Variants in PHACTR3 observed in about 807,000 individuals in gnomAD.
The protein encoded by PHACTR3 is phosphatase and actin regulator 3.
PHACTR3 carries 16 observed loss-of-function variants against 66.8 expected under a neutral mutation model. The ratio of observed to expected loss-of-function variants is 0.24; its 90% confidence interval spans 0.16 to 0.36. PHACTR3 has a LOEUF of 0.36. Ranked by LOEUF, PHACTR3 falls within the 10% of genes least tolerant of loss-of-function variation. The probability of loss-of-function intolerance (pLI) is 1.00; values close to 1 mark genes in which losing one functional copy is unlikely to be tolerated. For synonymous variants in PHACTR3, 323 were observed against 292.1 expected, an observed-to-expected ratio of 1.11 and a Z score of -1.08; for missense variants, 647 against 719.9, an observed-to-expected ratio of 0.90 and a Z score of 1.16.
intron 1 of PHACTR3, among the ~76,000 whole-genome samples, chr20:59,581,577 C>T (rs1568914075): frequency 1.3e-5 from 2 of 152,182 alleles, no homozygotes; most frequent in South Asian, 2.1e-4. Context: ...AAGGAGTGAT[C>T]CCCAATCTTT....
In PHACTR3 at chr20:59,845,171, C is replaced by A; in HGVS notation, c.1588-18C>A. The A allele has an allele frequency of 6.8e-7, 1 of 1,477,964 alleles. No homozygotes were observed. The highest frequency in any genetic ancestry group is 9.4e-7 in the Non-Finnish European group (1 of 1,060,460). The allele number at this position is 1,477,964 out of a possible 1,614,324, so 91.6% of individuals were successfully genotyped here. Reference sequence around the variant, plus strand: ...TTTTTAATATCCTGTAAAACAATGTCTTGTTTTTAAATTTCAGGCAGCAAT... The same window carrying A: ...TTTTTAATATCCTGTAAAACAATGTATTGTTTTTAAATTTCAGGCAGCAAT... On this transcript the variant is annotated intron_variant, in intron 11 of 12. Coordinates refer to ENST00000371015, the MANE Select transcript of PHACTR3 (RefSeq NM_080672.5).
At chr20:59,635,153 C>CTTTCTTTCTTTCTTTCTT (rs2034828426) in intron 1 of PHACTR3, among the ~76,000 whole-genome samples, 5 of 36,746 alleles carry the variant, frequency 1.4e-4, no homozygotes, top group Non-Finnish European at 2.3e-4. Context: ...CTTTCTTTTT[C>CTTTCTTTCTTTCTTTCTT]TTTCTTTCTT....
chr20:59,612,833 G>A (rs12625731), intron 1 of PHACTR3, among the ~76,000 whole-genome samples: 7,803 of 152,250 alleles, frequency 0.051, 457 homozygotes, highest in East Asian at 0.31. Context: ...AGGGCTGTGC[G>A]GGAAGCGTGG....
intron 1 of PHACTR3, among the ~76,000 whole-genome samples, chr20:59,724,365 T>G (rs1029574667): frequency 6.6e-6 from 1 of 152,152 alleles, no homozygotes; most frequent in African/African-American, 2.4e-5. Context: ...CTGGGAACTG[T>G]GATCAAAGAA....
intron 9 of PHACTR3, among the ~76,000 whole-genome samples, chr20:59,836,950 G>A (rs554754858): frequency 6.6e-6 from 1 of 152,264 alleles, no homozygotes; most frequent in Non-Finnish European, 1.5e-5. Flanking sequence ...ACACTTGGGA[G>A]GAATAAAGCA....
rs181135000 is a variant in PHACTR3 at position 59,778,651 on chromosome 20, A to G, written c.1174+4161A>G. 5.5e-3 allele frequency among the ~76,000 whole-genome samples: 844 copies of G among 152,288 alleles called. 6 individuals are homozygous for G. Among genetic ancestry groups the G allele is most frequent in the African/African-American group, 0.019 (798 of 41,560 alleles). Reference sequence around the variant, plus strand: ...CCAAGTCTTCGCCTCTGTAGTTCTTACTGTGCGCACAGCTCACGAGTGCTA... The same window carrying G: ...CCAAGTCTTCGCCTCTGTAGTTCTTGCTGTGCGCACAGCTCACGAGTGCTA... On this transcript the variant is annotated intron_variant, in intron 7 of 12. Coordinates refer to ENST00000371015, the MANE Select transcript of PHACTR3 (RefSeq NM_080672.5).
intron 1 of PHACTR3, among the ~76,000 whole-genome samples, chr20:59,720,057 C>G (rs2038236477): frequency 6.6e-6 from 1 of 152,182 alleles, no homozygotes. Flanking sequence ...TCATAGGAGG[C>G]ATATGATGAG....
At chr20:59,704,975 G>A (rs996789405) in intron 1 of PHACTR3, among the ~76,000 whole-genome samples, 1 of 78,740 alleles carries the variant, frequency 1.3e-5, no homozygotes, top group Non-Finnish European at 2.5e-5. Flanking sequence ...TTTTTTTTTT[G>A]AGACAGGGTC....
At chr20:59,670,734 TG>T (rs1359612364) in intron 1 of PHACTR3, among the ~76,000 whole-genome samples, 2 of 152,102 alleles carry the variant, frequency 1.3e-5, no homozygotes, top group Non-Finnish European at 2.9e-5. Context: ...TGACAGCACG[TG>T]GTGCTTGTGT....
At chr20:59,680,031 T>G (rs1209339423) in intron 1 of PHACTR3, among the ~76,000 whole-genome samples, 4 of 152,064 alleles carry the variant, frequency 2.6e-5, no homozygotes, top group Admixed American at 2.0e-4. Context: ...CTCCTTTCCC[T>G]TCCATTCTCT....
At chr20:59,768,988 C>T (rs2040276170) in intron 5 of PHACTR3, among the ~76,000 whole-genome samples, 1 of 152,180 alleles carries the variant, frequency 6.6e-6, no homozygotes, top group Non-Finnish European at 1.5e-5. Context: ...GAATGTGCTG[C>T]TGGGTGGGTG....
At chr20:59,837,684 G>A (rs997291556) in intron 9 of PHACTR3, among the ~76,000 whole-genome samples, 7 of 152,164 alleles carry the variant, frequency 4.6e-5, no homozygotes, top group Non-Finnish European at 8.8e-5. Context: ...TGTTTCAGTT[G>A]CCAAATATTT....
At chr20:59,672,245 G>C (rs2036219947) in intron 1 of PHACTR3, among the ~76,000 whole-genome samples, 1 of 152,218 alleles carries the variant, frequency 6.6e-6, no homozygotes, top group African/African-American at 2.4e-5. Context: ...TGTCAGTATT[G>C]CTGAGGCTGC....
intron 8 of PHACTR3, 90 bp from the exon 9 acceptor site, chr20:59,836,415 T>C: frequency 7.8e-7 from 1 of 1,289,156 alleles, no homozygotes; most frequent in Non-Finnish European, 1.1e-6. Context: ...CTATAGGGGT[T>C]TGCCAGCCAC....
At chr20:59,808,840 T>C (rs1202578615) in intron 8 of PHACTR3, among the ~76,000 whole-genome samples, 1 of 152,132 alleles carries the variant, frequency 6.6e-6, no homozygotes, top group Non-Finnish European at 1.5e-5. Context: ...CAGGGAACCA[T>C]TGATGTTTGG....
chr20:59,666,564 CAG>C lies in PHACTR3; in HGVS notation c.118+61436_118+61437del, dbSNP rs1455090497. Reference sequence around the variant, plus strand: ...GTAGAGAGAGAGAGACAAAGAGAGACAGAGACAGAGAGACAGGGAGAGAGAGA... The same window carrying C: ...GTAGAGAGAGAGAGACAAAGAGAGACAGACAGAGAGACAGGGAGAGAGAGA... On this transcript the variant is annotated intron_variant, in intron 1 of 12. Transcript: ENST00000371015. 2.0e-5 allele frequency among the ~76,000 whole-genome samples: 3 copies of C among 150,962 alleles called. No homozygotes were observed. In the South Asian group the frequency reaches 6.3e-4, roughly 32 times the overall value.
chr20:59,680,280 A>G (rs188037489), intron 1 of PHACTR3, among the ~76,000 whole-genome samples: 16 of 152,326 alleles, frequency 1.1e-4, no homozygotes, highest in Non-Finnish European at 2.1e-4. Context: ...TTATGGACTT[A>G]CATGCAGGGA....
chr20:59,605,469 G>C (rs528726698), intron 1 of PHACTR3, among the ~76,000 whole-genome samples: 2 of 152,344 alleles, frequency 1.3e-5, no homozygotes, highest in South Asian at 4.1e-4. Flanking sequence ...CCTCCGCCCA[G>C]CGCCGGTTCT....
At chr20:59,792,099 T>G (rs1409350801) in intron 7 of PHACTR3, among the ~76,000 whole-genome samples, 2 of 152,156 alleles carry the variant, frequency 1.3e-5, no homozygotes, top group African/African-American at 2.4e-5. Context: ...GCACCTCTCT[T>G]CACTCTAGAG....
Sources: gnomAD v4.1 joint callset for allele counts (sites outside exome capture counted in the v4.1 genomes callset) on GRCh38, gnomAD v4.1.1 for gene constraint, MANE v1.5 for transcripts, NCBI Gene and HGNC (gene_info 2026-07-23, HGNC 2026-07-21) for gene names.